PCDHGA12: variants seen among roughly 807,000 people sequenced by gnomAD.
The protein encoded by PCDHGA12 is protocadherin gamma-A12.
Under a neutral mutation model 61.1 loss-of-function variants are expected in PCDHGA12, and 43 were observed. The observed-to-expected ratio is 0.70, with a 90% confidence interval of 0.55 to 0.91. The LOEUF is 0.91. PCDHGA12 is among the 40% of genes least tolerant of loss of function. The pLI is 0.00. For missense variants in PCDHGA12, 1,236 were observed against 1,227.7 expected, an observed-to-expected ratio of 1.01 and a Z score of -0.10; for synonymous variants, 520 against 542.9, an observed-to-expected ratio of 0.96 and a Z score of 0.59.
chr5:141,501,453 C>T (rs567794395), intron 2 of PCDHGA12, among the ~76,000 whole-genome samples: 1 of 152,094 alleles, frequency 6.6e-6, no homozygotes, highest in Non-Finnish European at 1.5e-5. Flanking sequence ...TTTTACTTTT[C>T]ACTATTCCCC....
intron 1 of PCDHGA12, among the ~76,000 whole-genome samples, chr5:141,469,802 CATT>C (rs2099211643): frequency 6.6e-6 from 1 of 152,022 alleles, no homozygotes; most frequent in Admixed American, 6.6e-5. Context: ...ATTGCAAAAA[CATT>C]GTAGATAGAA....
At chr5:141,465,833 T>A (rs2099110537) in intron 1 of PCDHGA12, among the ~76,000 whole-genome samples, 1 of 152,002 alleles carries the variant, frequency 6.6e-6, no homozygotes, top group Non-Finnish European at 1.5e-5. Context: ...GTTTAAAATT[T>A]CAACTGAGGC....
intron 1 of PCDHGA12, among the ~76,000 whole-genome samples, chr5:141,472,967 C>G (rs1040253926): frequency 1.7e-5 from 1 of 58,336 alleles, no homozygotes; most frequent in South Asian, 5.1e-4. Flanking sequence ...GCCTGGGGAA[C>G]AAGAGTGAAA....
Position 141,485,220 on chromosome 5 carries a change from C to T in PCDHGA12, c.2425-9587C>T. The T allele has an allele frequency of 6.2e-7, 1 of 1,614,192 alleles. No homozygotes were observed. The highest frequency in any genetic ancestry group is 8.5e-7 in the Non-Finnish European group (1 of 1,180,024). On this transcript the variant is annotated intron_variant, in intron 1 of 3. Transcript: ENST00000252085. This position sits in a 1 kb window ranked among gnomAD's most constrained non-coding sequence, Gnocchi z 5.7. ...TGGACAGAAATCTGGCGGTGGGCTA[C>T]CCTTTTGTTCCTCTTTTACCACCTG... is the stretch of plus-strand genomic sequence containing the variant.
chr5:141,479,109 A>G (rs925202951), intron 1 of PCDHGA12, among the ~76,000 whole-genome samples: 4 of 152,234 alleles, frequency 2.6e-5, no homozygotes, highest in Admixed American at 2.6e-4. Context: ...TATTTCAAGC[A>G]TTCTACTGGA....
rs2099637746 is a variant in PCDHGA12, at chr5:141,486,980, A to G, written c.2425-7827A>G. Reference sequence around the variant, plus strand: ...TGCTGTGGACTTGGATTCAGGTTACAATGCTTGGGTTTCCTATCAGCTCCT... The same window carrying G: ...TGCTGTGGACTTGGATTCAGGTTACGATGCTTGGGTTTCCTATCAGCTCCT... On this transcript the variant is annotated intron_variant, in intron 1 of 3. Coordinates refer to ENST00000252085, the MANE Select transcript of PCDHGA12 (RefSeq NM_003735.3). This position sits in a 1 kb window ranked among gnomAD's most constrained non-coding sequence, Gnocchi z 5.0. The G allele has an allele frequency of 1.2e-6, 2 of 1,614,040 alleles. No individual in the cohort carries two copies. The highest frequency in any genetic ancestry group is 1.3e-5 in the African/African-American group (1 of 74,908).
At chr5:141,455,020 G>A (rs201196115) in intron 1 of PCDHGA12, among the ~76,000 whole-genome samples, 1 of 151,166 alleles carries the variant, frequency 6.6e-6, no homozygotes, top group African/African-American at 2.4e-5. Context: ...CACCGTGTTA[G>A]CCAGGATGGT....
rs549866784 is a variant in PCDHGA12, at chr5:141,437,490, A to G, written c.2424+4307A>G. ...TTTTATAGCATATTTAATCTCGTAGATCACTTTTCAATGAATTATAAGGCT... is the reference window on the plus strand; with the variant it reads ...TTTTATAGCATATTTAATCTCGTAGGTCACTTTTCAATGAATTATAAGGCT... On this transcript the variant is annotated intron_variant, in intron 1 of 3. Coordinates refer to ENST00000252085, the MANE Select transcript of PCDHGA12 (RefSeq NM_003735.3). 2.0e-5 allele frequency among the ~76,000 whole-genome samples: 3 copies of G among 152,308 alleles called. No homozygotes were observed. In the East Asian group the frequency reaches 5.8e-4, roughly 29 times the overall value.
rs77976889 is a variant in PCDHGA12, at chr5:141,493,704, G to C, written c.2425-1103G>C. On this transcript the variant is annotated intron_variant, in intron 1 of 3. Transcript: ENST00000252085. This position sits in a 1 kb window ranked among gnomAD's most constrained non-coding sequence, Gnocchi z 4.3. ...GTGCTGGTGACTCCCGATACACCTG[G>C]AATGCTAGGTTTCTGGGTTCTGCTC... Among the ~76,000 whole-genome samples the C allele has an allele frequency of 1.7e-3, 258 of 152,278 alleles. 2 individuals are homozygous for C. The highest frequency in any genetic ancestry group is 5.7e-3 in the African/African-American group (237 of 41,540).
chr5:141,492,106 C>T (rs1265796740), intron 1 of PCDHGA12, among the ~76,000 whole-genome samples: 2 of 152,238 alleles, frequency 1.3e-5, no homozygotes, highest in South Asian at 2.1e-4. Flanking sequence ...TGTAGATTTC[C>T]TCTTCGATTT....
chr5:141,510,633 TACCA>T (rs2099882032), intron 3 of PCDHGA12, among the ~76,000 whole-genome samples: 1 of 152,110 alleles, frequency 6.6e-6, no homozygotes, highest in Admixed American at 6.6e-5. Flanking sequence ...AAGAGGTGGT[TACCA>T]TTATCATCCC....
At chr5:141,501,319 A>G (rs2099807834) in intron 2 of PCDHGA12, among the ~76,000 whole-genome samples, 1 of 151,710 alleles carries the variant, frequency 6.6e-6, no homozygotes, top group Non-Finnish European at 1.5e-5. Context: ...ACACACACAC[A>G]CACACACACA....
chr5:141,496,984 G>C (rs938752499), intron 2 of PCDHGA12, among the ~76,000 whole-genome samples: 1 of 151,896 alleles, frequency 6.6e-6, no homozygotes, highest in Admixed American at 6.6e-5. Context: ...TCAGGGGTTT[G>C]AGACCAGCCT....
At position 141,477,210 on chromosome 5, in the gene PCDHGA12, C is replaced by A. The variant is rs780852225; in HGVS notation, c.2425-17597C>A. On this transcript the variant is annotated intron_variant, in intron 1 of 3. Transcript: ENST00000252085. This position sits in a 1 kb window ranked among gnomAD's most constrained non-coding sequence, Gnocchi z 4.9. ...GTGTACAGCCCAGTACCCGAGGATG[C>A]CCCTCTGGGGACTGTCATCGCTTTG... The A allele has an allele frequency of 6.2e-7, 1 of 1,614,142 alleles. No homozygotes were observed. The highest frequency in any genetic ancestry group is 8.5e-7 in the Non-Finnish European group (1 of 1,180,030).
chr5:141,443,618 G>A (rs901899343), intron 1 of PCDHGA12, among the ~76,000 whole-genome samples: 2 of 152,178 alleles, frequency 1.3e-5, no homozygotes, highest in Non-Finnish European at 2.9e-5. Context: ...TTATAATCAG[G>A]TGATTGTAAA....
rs145569377 is a variant in PCDHGA12 at position 141,455,860 on chromosome 5, ATTATTTATTTATTTATTTATTTATTTAT to A, written c.2424+22704_2424+22731del. Among the ~76,000 whole-genome samples the A allele has an allele frequency of 5.0e-5, 7 of 139,848 alleles. No individual in the cohort carries two copies. The South Asian group carries it at 9.2e-4, about 18-fold the overall frequency. 91.7% of individuals were successfully genotyped at this position (139,848 alleles called of 152,430 possible). On this transcript the variant is annotated intron_variant, in intron 1 of 3. Transcript: ENST00000252085. ...CTATCTGCATAAAATAATTTCTTTT[ATTATTTATTTATTTATTTATTTATTTAT>A]TTATTTATTTATTTATTTATTTATT...
chr5:141,502,039 G>T (rs2099812498), intron 2 of PCDHGA12, among the ~76,000 whole-genome samples: 1 of 152,126 alleles, frequency 6.6e-6, no homozygotes, highest in South Asian at 2.1e-4. Context: ...CCGCTTGCCT[G>T]CTCTCCCTAC....
At chr5:141,496,236 C>T (rs1290509264) in intron 2 of PCDHGA12, among the ~76,000 whole-genome samples, 7 of 152,138 alleles carry the variant, frequency 4.6e-5, no homozygotes, top group Middle Eastern at 3.2e-3. Flanking sequence ...GAACCCCCTG[C>T]GGGCTGAAGG....
chr5:141,455,859 TATTA>T (rs2098833777), intron 1 of PCDHGA12, among the ~76,000 whole-genome samples: 1 of 143,846 alleles, frequency 7.0e-6, no homozygotes, highest in African/African-American at 2.5e-5. Flanking sequence ...TAATTTCTTT[TATTA>T]TTTATTTATT....
Sources: allele counts gnomAD v4.1 joint callset (sites outside exome capture counted in the v4.1 genomes callset), GRCh38; gene constraint gnomAD v4.1.1; non-coding constraint Gnocchi (gnomAD v3.1); transcripts MANE v1.5; gene names NCBI Gene and HGNC (gene_info 2026-07-23, HGNC 2026-07-21).